ZAP70: variants seen among roughly 807,000 people sequenced by gnomAD.
ZAP70 encodes zeta chain of T cell receptor associated protein kinase 70.
A neutral mutation model predicts 65.8 loss-of-function variants in ZAP70; 27 were observed. The observed-to-expected ratio is 0.41, with a 90% CI of 0.30 to 0.57. The LOEUF (loss-of-function observed/expected upper bound fraction) is 0.57. ZAP70 is among the 20% of genes least tolerant of loss of function. The pLI is 0.28. For synonymous variants in ZAP70, 363 were observed against 360.8 expected, an observed-to-expected ratio of 1.01 and a Z score of -0.07; for missense variants, 696 against 870.5, an observed-to-expected ratio of 0.80 and a Z score of 2.52.
At chr2:97,716,716 G>T (rs1231469324) in intron 2 of ZAP70, among the ~76,000 whole-genome samples, 1 of 152,146 alleles carries the variant, frequency 6.6e-6, no homozygotes, top group Non-Finnish European at 1.5e-5. Context: ...GGAGTGAGTG[G>T]CGGGGGGTGG....
intron 4 of ZAP70, among the ~76,000 whole-genome samples, chr2:97,726,746 T>G (rs1159298542): frequency 4.6e-5 from 7 of 152,272 alleles, no homozygotes; most frequent in Non-Finnish European, 5.9e-5. Flanking sequence ...TTCCAAGGCT[T>G]CTGAGGGAGC....
At position 97,737,571 on chromosome 2, in the gene ZAP70, C is replaced by A. The variant is rs774434467; in HGVS notation, c.1388C>A (p.Ala463Glu). The change falls in exon 11 of 14, where the codon GCG (alanine) becomes GAG (glutamate). Residue 463 changes from alanine to glutamate, a missense_variant. Ala to Glu is a moderately radical substitution (Grantham distance 107). Transcript: ENST00000264972. This position sits in a 1 kb window ranked among gnomAD's most constrained non-coding sequence, Gnocchi z 5.0. Reference protein sequence around the residue: ...EEKNFVHRDLAARNVLLVNRH... With the variant: ...EEKNFVHRDLEARNVLLVNRH... ...AAGAACTTTGTGCACCGTGACCTGG[C>A]GGCCCGCAACGTCCTGCTGGTTAAC... The A allele has an allele frequency of 1.2e-6, 2 of 1,614,112 alleles. No homozygotes were observed. Among genetic ancestry groups the A allele is most frequent in the Non-Finnish European group, 8.5e-7 (1 of 1,179,986 alleles).
At chr2:97,726,895 G>A (rs183909651) in intron 4 of ZAP70, among the ~76,000 whole-genome samples, 3 of 152,228 alleles carry the variant, frequency 2.0e-5, no homozygotes, top group Non-Finnish European at 2.9e-5. Flanking sequence ...AGATTTATTG[G>A]CTCAAAATGA....
chr2:97,755,390 C>A, the ZAP70 span, among the ~76,000 whole-genome samples: 2 of 152,216 alleles, frequency 1.3e-5, no homozygotes, highest in African/African-American at 2.4e-5. Flanking sequence ...TTCCAGCAGC[C>A]CCAGCTGGTA....
downstream of ZAP70, among the ~76,000 whole-genome samples, chr2:97,740,859 G>T (rs78346140): frequency 2.9e-4 from 44 of 152,326 alleles, no homozygotes; most frequent in Non-Finnish European, 5.0e-4. Flanking sequence ...GGTCGTGGGG[G>T]TGACAAAGTC....
chr2:97,732,242 T>C (rs1483409229), intron 4 of ZAP70, among the ~76,000 whole-genome samples: 1 of 152,196 alleles, frequency 6.6e-6, no homozygotes, highest in African/African-American at 2.4e-5. Flanking sequence ...GTCCATCTAT[T>C]ATGGAACTGG....
At position 97,733,317 on chromosome 2, in the gene ZAP70, C is replaced by T; in HGVS notation, c.811C>T (p.Pro271Ser). 1 of 1,598,400 alleles carries T rather than the reference C, an allele frequency of 6.3e-7. No individual in the cohort carries two copies. The highest frequency in any genetic ancestry group is 8.5e-7 in the Non-Finnish European group (1 of 1,171,260). Residue 271 changes from proline (P) to serine (S), a missense_variant, in exon 7 of 14, where the codon CCA becomes TCA. Pro to Ser is a moderately conservative substitution (Grantham distance 74). This residue lies in a region of ZAP70 where 551 missense variants were observed against 630.0 expected (regional missense o/e 0.87). Coordinates refer to ENST00000264972, the MANE Select transcript of ZAP70 (RefSeq NM_001079.4). ...CCCAGGGGCTGCTGCTCCCACACTC[C>T]CAGCCCACCCATCCACGTTGACTCA... is the stretch of plus-strand genomic sequence containing the variant. ...NASGAAAPTLPAHPSTLTHPQ... is the reference protein window; with the variant it reads ...NASGAAAPTLSAHPSTLTHPQ...
At chr2:97,735,060 C>T (rs2104695568) in intron 9 of ZAP70, 190 bp from the exon 10 acceptor site, 1 of 718,376 alleles carries the variant, frequency 1.4e-6, no homozygotes, top group East Asian at 2.7e-5. Flanking sequence ...GGTGAGCGAT[C>T]CGGCTGTGAG....
At chr2:97,714,159 G>A (rs901441899) in intron 2 of ZAP70, among the ~76,000 whole-genome samples, 165 bp downstream of exon 2, 3 of 152,208 alleles carry the variant, frequency 2.0e-5, no homozygotes, top group Non-Finnish European at 4.4e-5. Context: ...GAGGCAGACG[G>A]GGCTTGTGGC....
At chr2:97,734,796 G>A in intron 9 of ZAP70, 84 bp downstream of exon 9, 1 of 1,551,802 alleles carries the variant, frequency 6.4e-7, no homozygotes, top group Non-Finnish European at 8.8e-7. Context: ...CGGGAGCCGG[G>A]ATGTCTGTCT....
chr2:97,737,964 C>T lies in ZAP70; in HGVS notation c.1624-31C>T. Reference sequence around the variant, plus strand: ...GGGATGAGGAGGAGGACACTGGTCACTCACAGGTGTCTCTGCCCCGGCTTG... The same window carrying T: ...GGGATGAGGAGGAGGACACTGGTCATTCACAGGTGTCTCTGCCCCGGCTTG... On this transcript the variant is annotated intron_variant, in intron 12 of 13. Transcript: ENST00000264972. The surrounding 1 kb of genome is among the most constrained non-coding windows in gnomAD (Gnocchi z 5.0). 1.2e-6 allele frequency: 2 copies of T among 1,614,014 alleles called. No individual in the cohort carries two copies. Among genetic ancestry groups the T allele is most frequent in the Non-Finnish European group, 1.7e-6 (2 of 1,179,914 alleles).
At position 97,738,127 on chromosome 2, in the gene ZAP70, G is replaced by A; in HGVS notation, c.1736+20G>A. 2 of 1,573,018 alleles carry A rather than the reference G, an allele frequency of 1.3e-6. No homozygotes were observed. Among genetic ancestry groups the A allele is most frequent in the South Asian group, 1.2e-5 (1 of 86,582 alleles). On this transcript the variant is annotated intron_variant, in intron 13 of 13. Coordinates refer to ENST00000264972, the MANE Select transcript of ZAP70 (RefSeq NM_001079.4). ...CTACAAGTGAGTGCCAGTGGGGAGG[G>A]GACCCGGCTGGGCTGACCCCTGGAA...
intron 8 of ZAP70, 77 bp from the exon 9 acceptor site, chr2:97,734,443 T>G (rs1349397265): frequency 9.9e-6 from 15 of 1,508,342 alleles, no homozygotes; most frequent in Non-Finnish European, 1.2e-5. Context: ...CTGGGGCAGG[T>G]GCTTGTGGGG....
At chr2:97,747,256 A>G in the ZAP70 span, among the ~76,000 whole-genome samples, 2 of 152,260 alleles carry the variant, frequency 1.3e-5, no homozygotes, top group African/African-American at 4.8e-5. Flanking sequence ...AAACTGGTAC[A>G]TGAATGCATT....
intron 3 of ZAP70, 151 bp downstream of exon 3, chr2:97,724,589 A>C: frequency 4.6e-6 from 7 of 1,534,028 alleles, no homozygotes; most frequent in Non-Finnish European, 6.1e-6. Context: ...TTGGGGAAGA[A>C]CCTGAAAGGA....
chr2:97,718,804 T>G (rs1250733907), intron 2 of ZAP70, among the ~76,000 whole-genome samples: 1 of 152,210 alleles, frequency 6.6e-6, no homozygotes, highest in Non-Finnish European at 1.5e-5. Flanking sequence ...AGAGACCAGC[T>G]TTGCTACTCT....
chr2:97,726,577 A>G (rs542808559), intron 4 of ZAP70, among the ~76,000 whole-genome samples: 11 of 152,372 alleles, frequency 7.2e-5, no homozygotes, highest in African/African-American at 2.6e-4. Context: ...AAATGACCAC[A>G]TCCCTTGATT....
Position 97,734,639 on chromosome 2 carries a change from C to G in ZAP70, c.1009C>G (p.Leu337Val). The stretch of plus-strand genomic sequence containing the variant: ...GAAGCTCTTCCTGAAGCGCGATAAC[C>G]TCCTCATAGCTGACATTGAACTTGG... ...DKKLFLKRDN[L>V]LIADIELGCG... Residue 337 changes from leucine (L) to valine (V), a missense_variant, in exon 9 of 14, where the codon CTC (leucine) becomes GTC (valine). Transcript: ENST00000264972. 1.2e-6 allele frequency: 2 copies of G among 1,614,236 alleles called. No homozygotes were observed. The highest frequency in any genetic ancestry group is 1.7e-6 in the Non-Finnish European group (2 of 1,180,036).
Position 97,739,802 on chromosome 2 carries a change from C to A in ZAP70, c.*304C>A. The A allele has an allele frequency of 2.2e-6, 1 of 447,124 alleles. No homozygotes were observed. The highest frequency in any genetic ancestry group is 3.1e-5 in the South Asian group (1 of 32,320). 27.7% of individuals were successfully genotyped at this position (447,124 alleles called of 1,614,324 possible). ...CTTCCCCTGGGCCCTGACATTGGAG[C>A]CTGGGCATCCTCAGGTGGTCAGGCG... On this transcript the variant is annotated 3_prime_UTR_variant, in exon 14 of 14. Coordinates refer to ENST00000264972, the MANE Select transcript of ZAP70 (RefSeq NM_001079.4).
Sources: allele counts gnomAD v4.1 joint callset (sites outside exome capture counted in the v4.1 genomes callset), GRCh38; gene constraint gnomAD v4.1.1; regional missense constraint gnomAD v4.1.1; non-coding constraint Gnocchi (gnomAD v3.1); transcripts MANE v1.5; gene names NCBI Gene and HGNC (gene_info 2026-07-23, HGNC 2026-07-21).